MIX23: variants seen among roughly 807,000 people sequenced by gnomAD.
MIX23 encodes the protein mitochondrial matrix import factor 23.
A neutral mutation model predicts 21.6 loss-of-function variants in MIX23; 13 were observed. That is an observed-to-expected ratio of 0.60 (90% CI 0.39 to 0.96). MIX23 has a LOEUF of 0.96. Ranked by LOEUF, MIX23 falls within the 40% of genes least tolerant of loss-of-function variation. The probability of loss-of-function intolerance (pLI) is 0.00; values close to 1 mark genes in which losing one functional copy is unlikely to be tolerated. For synonymous variants in MIX23, 59 were observed against 58.0 expected (o/e 1.02, Z -0.08); for missense variants, 144 against 171.2 (o/e 0.84, Z 0.89).
At chr3:122,381,990 G>T (rs2075536466) in intron 1 of MIX23, among the ~76,000 whole-genome samples, 1 of 152,132 alleles carries the variant, frequency 6.6e-6, no homozygotes, top group South Asian at 2.1e-4. Context: ...AATCTCTATT[G>T]TTTAAGCCAC....
chr3:122,370,141 A>G (rs1010015484), intron 2 of MIX23, among the ~76,000 whole-genome samples: 2 of 152,122 alleles, frequency 1.3e-5, no homozygotes, highest in Non-Finnish European at 2.9e-5. Context: ...TTATTATACT[A>G]TTTTACAAAT....
chr3:122,378,083 C>T (rs1262508395), intron 1 of MIX23, among the ~76,000 whole-genome samples: 1 of 152,106 alleles, frequency 6.6e-6, no homozygotes, highest in Non-Finnish European at 1.5e-5. Flanking sequence ...CATGTGTTTT[C>T]TGTTGTGATT....
intron 4 of MIX23, among the ~76,000 whole-genome samples, chr3:122,362,605 C>G (rs2075365737): frequency 6.6e-6 from 1 of 151,964 alleles, no homozygotes; most frequent in South Asian, 2.1e-4. Flanking sequence ...CCTCAGCCTC[C>G]CGAGTAGCTG....
intron 3 of MIX23, chr3:122,365,439 T>C (rs1001253781): frequency 6.6e-6 from 1 of 152,072 alleles, no homozygotes; most frequent in African/African-American, 2.4e-5. Flanking sequence ...CCAAGAGCTC[T>C]CTCTGATTCC....
At position 122,363,646 on chromosome 3, in the gene MIX23, G is replaced by GA. The variant is rs899131917; in HGVS notation, c.325-620dup. Among the ~76,000 whole-genome samples the GA allele has an allele frequency of 5.3e-5, 8 of 151,208 alleles. No individual in the cohort carries two copies. The South Asian group carries it at 1.0e-3, about 20-fold the overall frequency. Reference sequence around the variant, plus strand: ...AAACCTGACCTGAATAGAGAATTAAGAAAAAAAACCCTCAGGGAGGAAAGA... The same window carrying GA: ...AAACCTGACCTGAATAGAGAATTAAGAAAAAAAAACCCTCAGGGAGGAAAGA... On this transcript the variant is annotated intron_variant, in intron 3 of 4. Coordinates refer to ENST00000291458, the MANE Select transcript of MIX23 (RefSeq NM_001017928.4).
chr3:122,362,098 A>T (rs574642514), intron 4 of MIX23, among the ~76,000 whole-genome samples: 1 of 152,226 alleles, frequency 6.6e-6, no homozygotes, highest in Non-Finnish European at 1.5e-5. Context: ...AATTTTGACT[A>T]TATGTTTCTG....
Position 122,359,833 on chromosome 3 carries a change from A to T in MIX23, c.*36T>A, listed in dbSNP as rs1267640927. 4 of 495,282 alleles carry T rather than the reference A, an allele frequency of 8.1e-6. No homozygotes were observed. The East Asian group carries it at 1.9e-4, about 24-fold the overall frequency. The allele number at this position is 495,282 out of a possible 1,614,324, so 30.7% of individuals were successfully genotyped here. A position where few individuals can be genotyped will look rare whatever the true frequency, so the allele number is the denominator to read the frequency against. On this transcript the variant is annotated 3_prime_UTR_variant, in exon 5 of 5. Coordinates refer to ENST00000291458, the MANE Select transcript of MIX23 (RefSeq NM_001017928.4). ...TCTTATGAGATGACCCAGTCCTTAA[A>T]AAAAAAAAAAAAAAAAAAAAAAAAA...
intron 3 of MIX23, among the ~76,000 whole-genome samples, chr3:122,367,206 C>T (rs981544770): frequency 1.3e-5 from 2 of 151,874 alleles, no homozygotes; most frequent in African/African-American, 4.8e-5. Flanking sequence ...AACTGTAAAG[C>T]AGGTGGGGCA....
intron 3 of MIX23, chr3:122,365,528 C>A (rs750005683): frequency 6.6e-6 from 1 of 152,106 alleles, no homozygotes; most frequent in Non-Finnish European, 1.5e-5. Flanking sequence ...CCCATGGTTA[C>A]CCCCAACCCT....
chr3:122,368,348 G>GAA, intron 2 of MIX23, 26 bp from the exon 3 acceptor site: 8 of 1,499,480 alleles, frequency 5.3e-6, no homozygotes, highest in East Asian at 2.4e-5. Flanking sequence ...AATGAAAGGA[G>GAA]AAAAAAAAAC....
chr3:122,369,572 A>T (rs1335815676), intron 2 of MIX23, among the ~76,000 whole-genome samples: 1 of 152,226 alleles, frequency 6.6e-6, no homozygotes, highest in Non-Finnish European at 1.5e-5. Flanking sequence ...TACTTGATAT[A>T]CATGTTGCTG....
At chr3:122,372,487 A>G (rs1415082949) in intron 1 of MIX23, among the ~76,000 whole-genome samples, 1 of 152,116 alleles carries the variant, frequency 6.6e-6, no homozygotes, top group Non-Finnish European at 1.5e-5. Context: ...AACAAGAACA[A>G]GAACAACAAC....
intron 1 of MIX23, among the ~76,000 whole-genome samples, chr3:122,382,972 G>T (rs1425998590): frequency 3.9e-5 from 6 of 152,158 alleles, no homozygotes; most frequent in African/African-American, 1.4e-4. Flanking sequence ...AGAGAACTAT[G>T]ACCCCCCTCC....
intron 2 of MIX23, among the ~76,000 whole-genome samples, chr3:122,369,446 T>C (rs908116671): frequency 3.3e-5 from 5 of 152,222 alleles, no homozygotes; most frequent in African/African-American, 4.8e-5. Context: ...GGATATTTCA[T>C]AGAGTTCTGC....
intron 3 of MIX23, among the ~76,000 whole-genome samples, chr3:122,367,054 T>G (rs1345572900): frequency 1.3e-5 from 2 of 152,070 alleles, no homozygotes; most frequent in African/African-American, 4.8e-5. Context: ...GTGTATAACA[T>G]AGTCTCAAAA....
chr3:122,370,250 A>G (rs6806852), intron 2 of MIX23, among the ~76,000 whole-genome samples: 88,979 of 151,736 alleles, frequency 0.59, 26,387 homozygotes, highest in East Asian at 0.69. Flanking sequence ...TCAGCAGTTC[A>G]AGACCAGACT....
At chr3:122,380,986 G>A (rs573007339) in intron 1 of MIX23, among the ~76,000 whole-genome samples, 1 of 152,168 alleles carries the variant, frequency 6.6e-6, no homozygotes, top group African/African-American at 2.4e-5. Flanking sequence ...CCACAAATCT[G>A]GTTGCAATCT....
At chr3:122,361,098 G>A (rs959184897) in intron 4 of MIX23, among the ~76,000 whole-genome samples, 1 of 152,170 alleles carries the variant, frequency 6.6e-6, no homozygotes, top group African/African-American at 2.4e-5. Context: ...ACTCACCTCG[G>A]CCTCCCAAAG....
At chr3:122,382,358 G>A (rs1358693416) in intron 1 of MIX23, among the ~76,000 whole-genome samples, 3 of 152,138 alleles carry the variant, frequency 2.0e-5, no homozygotes, top group East Asian at 1.9e-4. Context: ...CTAGCTACAG[G>A]GAGGCTGAGG....
Sources: allele counts gnomAD v4.1 joint callset (sites outside exome capture counted in the v4.1 genomes callset), GRCh38; gene constraint gnomAD v4.1.1; transcripts MANE v1.5; gene names NCBI Gene and HGNC (gene_info 2026-07-23, HGNC 2026-07-21).